The following SELENOF variants were observed in gnomAD, a reference collection of about 807,000 sequenced individuals.
SELENOF encodes 15 kDa selenoprotein.
A neutral mutation model predicts 20.5 loss-of-function variants in SELENOF; 16 were observed. The observed-to-expected ratio is 0.78, with a 90% CI of 0.53 to 1.19. The LOEUF (loss-of-function observed/expected upper bound fraction) is 1.19, where lower values mean the gene tolerates loss of function less well. Ranked by LOEUF, SELENOF falls within the 50% of genes most tolerant of loss-of-function variation. SELENOF has a pLI of 0.00. For missense variants in SELENOF, 215 were observed against 194.2 expected, an observed-to-expected ratio of 1.11 and a Z score of -0.64; for synonymous variants, 78 against 74.5, an observed-to-expected ratio of 1.05 and a Z score of -0.24.
chr1:86,894,125 A>AC (rs1440065691), intron 2 of SELENOF, among the ~76,000 whole-genome samples: 4 of 150,916 alleles, frequency 2.7e-5, no homozygotes, highest in African/African-American at 9.7e-5. Context: ...TGTGAAGGGG[A>AC]CCAAGATGTT....
At chr1:86,878,149 T>C (rs1658971940) in intron 3 of SELENOF, among the ~76,000 whole-genome samples, 1 of 152,220 alleles carries the variant, frequency 6.6e-6, no homozygotes, top group South Asian at 2.1e-4. Flanking sequence ...ATATTTGGAA[T>C]TGACTAAGAA....
chr1:86,884,244 C>T, intron 2 of SELENOF, among the ~76,000 whole-genome samples: 1 of 151,708 alleles, frequency 6.6e-6, no homozygotes, highest in Admixed American at 6.6e-5. Context: ...AGTTCCAGTC[C>T]AGGGTAAACA....
chr1:86,912,913 A>C (rs1660022840), intron 1 of SELENOF, among the ~76,000 whole-genome samples: 1 of 152,240 alleles, frequency 6.6e-6, no homozygotes, highest in Non-Finnish European at 1.5e-5. Flanking sequence ...GAGGGAGATC[A>C]AAAAAAGACA....
chr1:86,886,114 T>C (rs1189256099), intron 2 of SELENOF, among the ~76,000 whole-genome samples: 1 of 152,166 alleles, frequency 6.6e-6, no homozygotes, highest in Non-Finnish European at 1.5e-5. Context: ...CAAACTACCT[T>C]AGAGCGGAGT....
intron 2 of SELENOF, among the ~76,000 whole-genome samples, chr1:86,891,788 C>A (rs1659389046): frequency 1.3e-5 from 2 of 151,908 alleles, no homozygotes; most frequent in South Asian, 4.1e-4. Context: ...TAAGACTCAA[C>A]TACGAAATAA....
chr1:86,894,047 T>C (rs1659456939), intron 2 of SELENOF, among the ~76,000 whole-genome samples: 1 of 152,222 alleles, frequency 6.6e-6, no homozygotes, highest in South Asian at 2.1e-4. Context: ...CCTGACCTGC[T>C]GAATTATTTG....
intron 3 of SELENOF, among the ~76,000 whole-genome samples, chr1:86,874,375 A>G (rs999083966): frequency 6.6e-6 from 1 of 152,208 alleles, no homozygotes; most frequent in Non-Finnish European, 1.5e-5. Context: ...TGTAAATAAC[A>G]CTCAGAGTGA....
intron 2 of SELENOF, among the ~76,000 whole-genome samples, chr1:86,893,547 G>A: frequency 6.9e-6 from 1 of 144,446 alleles, no homozygotes; most frequent in South Asian, 2.3e-4. Context: ...GAAACCGGGA[G>A]GCAGAGGTTG....
intron 1 of SELENOF, among the ~76,000 whole-genome samples, chr1:86,909,558 C>T (rs550986867): frequency 3.9e-5 from 6 of 152,058 alleles, no homozygotes; most frequent in Non-Finnish European, 8.8e-5. Context: ...TGAGACACAA[C>T]GAAGGGAATA....
At chr1:86,900,389 C>T (rs1406394413) in intron 2 of SELENOF, among the ~76,000 whole-genome samples, 2 of 152,124 alleles carry the variant, frequency 1.3e-5, no homozygotes, top group African/African-American at 4.8e-5. Context: ...AGCTGGAGAC[C>T]AGCCCGGCCA....
chr1:86,882,958 T>C (rs892657223), intron 2 of SELENOF, among the ~76,000 whole-genome samples: 1 of 152,004 alleles, frequency 6.6e-6, no homozygotes, highest in Non-Finnish European at 1.5e-5. Flanking sequence ...AAACCCTGTC[T>C]CTACTAAAAA....
chr1:86,904,551 G>C (rs760377945), intron 1 of SELENOF, among the ~76,000 whole-genome samples: 1 of 152,072 alleles, frequency 6.6e-6, no homozygotes, highest in Non-Finnish European at 1.5e-5. Flanking sequence ...TATCTTAACA[G>C]ATACTTCATT....
chr1:86,865,198 T>TA (rs1658561194), intron 4 of SELENOF, among the ~76,000 whole-genome samples: 1 of 149,802 alleles, frequency 6.7e-6, no homozygotes, highest in Admixed American at 6.7e-5. Flanking sequence ...AAAGAACTCT[T>TA]AAAGCTCAGC....
chr1:86,891,967 G>A (rs1167283173), intron 2 of SELENOF, among the ~76,000 whole-genome samples: 6 of 150,312 alleles, frequency 4.0e-5, no homozygotes, highest in Non-Finnish European at 8.9e-5. Flanking sequence ...GTCTCGCTCT[G>A]TTGCCCAGGA....
intron 2 of SELENOF, among the ~76,000 whole-genome samples, chr1:86,902,192 GA>G (rs1198417151): frequency 1.3e-5 from 2 of 152,036 alleles, no homozygotes; most frequent in African/African-American, 4.8e-5. Flanking sequence ...TTACATGCAA[GA>G]AAAAGAATAA....
intron 2 of SELENOF, among the ~76,000 whole-genome samples, chr1:86,888,981 TAAGA>T (rs1252670282): frequency 6.6e-6 from 1 of 152,124 alleles, no homozygotes; most frequent in Non-Finnish European, 1.5e-5. Context: ...CTGAAAACAA[TAAGA>T]AACAAAGCTA....
At chr1:86,871,835 T>C (rs893930546) in intron 3 of SELENOF, among the ~76,000 whole-genome samples, 16 of 152,238 alleles carry the variant, frequency 1.1e-4, no homozygotes, top group African/African-American at 3.4e-4. Flanking sequence ...TCTTCTGACT[T>C]GATCACATTG....
In SELENOF at chr1:86,899,798, G is replaced by A. The variant is rs570478818; in HGVS notation, c.252+3483C>T. On this transcript the variant is annotated intron_variant, in intron 2 of 4. Transcript: ENST00000331835. ...GGCTCCTCACTTCTCAGACGGGGCG[G>A]CTGCCGGGCGGAGGGGCTCCTCACT... Among the ~76,000 whole-genome samples the A allele has an allele frequency of 2.7e-5, 4 of 149,890 alleles. No homozygotes were observed. The East Asian group carries it at 8.3e-4, about 31-fold the overall frequency.
chr1:86,875,336 G>C (rs1278917553), intron 3 of SELENOF, among the ~76,000 whole-genome samples: 3 of 152,116 alleles, frequency 2.0e-5, no homozygotes, highest in African/African-American at 7.2e-5. Flanking sequence ...AGAAGCACTT[G>C]AAAACAGAGA....
Sources: gnomAD v4.1 joint callset for allele counts (sites outside exome capture counted in the v4.1 genomes callset) on GRCh38, gnomAD v4.1.1 for gene constraint, MANE v1.5 for transcripts, NCBI Gene and HGNC (gene_info 2026-07-23, HGNC 2026-07-21) for gene names.